BCL2L13: variants seen among roughly 807,000 people sequenced by gnomAD.
BCL2L13 encodes bcl-2-like protein 13.
In BCL2L13, 13 loss-of-function variants were observed where a neutral mutation model predicts 25.8. That is an observed-to-expected ratio of 0.50 (90% CI 0.33 to 0.80). The LOEUF (loss-of-function observed/expected upper bound fraction) is 0.80, where lower values mean the gene tolerates loss of function less well. Ranked by LOEUF, BCL2L13 falls within the 30% of genes least tolerant of loss-of-function variation. BCL2L13 has a pLI of 0.02. For synonymous variants in BCL2L13, 244 were observed against 230.3 expected (o/e 1.06, Z -0.54); for missense variants, 504 against 574.9 (o/e 0.88, Z 1.26).
In BCL2L13 at chr22:17,646,716, CT is replaced by C. The variant is rs10684670; in HGVS notation, c.-51+7851del. Among the ~76,000 whole-genome samples, 28 of 89,192 alleles carry C rather than the reference CT, an allele frequency of 3.1e-4. No homozygotes were observed. The South Asian group carries it at 5.3e-3, about 17-fold the overall frequency. The allele number at this position is 89,192 out of a possible 152,430, so 58.5% of individuals were successfully genotyped here. On this transcript the variant is annotated intron_variant, in intron 1 of 6. Transcript: ENST00000317582. ...TTGAAAAGAATCTTGAAATATCTGT[CT>C]TTTTTTTTTTTTTTTTTTTTGAGAT... is the stretch of plus-strand genomic sequence containing the variant.
intron 2 of BCL2L13, among the ~76,000 whole-genome samples, chr22:17,662,810 C>A (rs1304119651): frequency 1.3e-5 from 2 of 151,360 alleles, no homozygotes; most frequent in African/African-American, 2.4e-5. Context: ...GCGAGACTTT[C>A]AAAAAAAATA....
At chr22:17,699,776 A>T (rs1318900609) in intron 5 of BCL2L13, among the ~76,000 whole-genome samples, 1 of 152,198 alleles carries the variant, frequency 6.6e-6, no homozygotes, top group Non-Finnish European at 1.5e-5. Flanking sequence ...GTCCAAAAAA[A>T]ATCAGTTGTG....
chr22:17,680,546 AAAAG>A, intron 2 of BCL2L13, among the ~76,000 whole-genome samples: 4 of 136,594 alleles, frequency 2.9e-5, no homozygotes, highest in Non-Finnish European at 4.7e-5. Flanking sequence ...AAAAAAGAAA[AAAAG>A]ACTCATACCT....
chr22:17,707,935 G>A (rs2060638163), intron 6 of BCL2L13, among the ~76,000 whole-genome samples: 1 of 152,068 alleles, frequency 6.6e-6, no homozygotes. Flanking sequence ...TAGACATCAT[G>A]ATGCAGCCAA....
At chr22:17,677,707 AC>A (rs1183732322) in intron 2 of BCL2L13, among the ~76,000 whole-genome samples, 1 of 152,116 alleles carries the variant, frequency 6.6e-6, no homozygotes, top group Non-Finnish European at 1.5e-5. Context: ...CCCTGTCTCT[AC>A]CAAAAATACA....
intron 1 of BCL2L13, among the ~76,000 whole-genome samples, chr22:17,639,154 C>A (rs1452909348): frequency 6.6e-6 from 1 of 152,208 alleles, no homozygotes; most frequent in Non-Finnish European, 1.5e-5. Flanking sequence ...CGGAGGAGCT[C>A]GGCCCTGGCT....
At chr22:17,716,901 C>A (rs1306906150) in intron 6 of BCL2L13, among the ~76,000 whole-genome samples, 1 of 152,128 alleles carries the variant, frequency 6.6e-6, no homozygotes, top group African/African-American at 2.4e-5. Context: ...GAGGGGGAAA[C>A]ATGCACCTTT....
rs1212713573 is a variant in BCL2L13 at position 17,660,044 on chromosome 22, T to C, written c.121+4212T>C. Among the ~76,000 whole-genome samples the C allele has an allele frequency of 2.1e-5, 3 of 145,956 alleles. 1 individual carries two copies. Among genetic ancestry groups the C allele is most frequent in the Non-Finnish European group, 4.7e-5 (3 of 64,228 alleles). The stretch of plus-strand genomic sequence containing the variant: ...CTCATTTTTATACTTTTAGTGGAGA[T>C]GGGTTTTCACCATGTTGGCCAGGCT... On this transcript the variant is annotated intron_variant, in intron 2 of 6. Transcript: ENST00000317582.
At chr22:17,636,191 G>A (rs1207654598), upstream of BCL2L13, among the ~76,000 whole-genome samples, 3 of 151,886 alleles carry the variant, frequency 2.0e-5, no homozygotes, top group East Asian at 3.9e-4. Flanking sequence ...AGGCATAGTG[G>A]TGCACACCTG....
intron 2 of BCL2L13, among the ~76,000 whole-genome samples, chr22:17,660,280 A>C (rs1194871861): frequency 1.4e-5 from 2 of 146,702 alleles, no homozygotes; most frequent in Non-Finnish European, 3.1e-5. Flanking sequence ...GCAGTTATGC[A>C]TTTTCAAGAA....
intron 2 of BCL2L13, among the ~76,000 whole-genome samples, chr22:17,679,066 A>G (rs2059656691): frequency 6.6e-6 from 1 of 152,172 alleles, no homozygotes; most frequent in East Asian, 1.9e-4. Context: ...TAAGTATACA[A>G]TTCAGCATCC....
chr22:17,646,949 ATATATATTTTTTT>A (rs1441316394), intron 1 of BCL2L13, among the ~76,000 whole-genome samples: 28 of 22,962 alleles, frequency 1.2e-3, no homozygotes, highest in African/African-American at 4.7e-3. Flanking sequence ...ATATATATAT[ATATATATTTTTTT>A]TTTTTTTTTT....
chr22:17,659,059 A>G (rs2058984632), intron 2 of BCL2L13, among the ~76,000 whole-genome samples: 1 of 105,682 alleles, frequency 9.5e-6, no homozygotes, highest in African/African-American at 4.5e-5. Context: ...CTCCATCTAA[A>G]AAAAAAAAAA....
chr22:17,663,658 TTTA>T (rs1449563874), intron 2 of BCL2L13, among the ~76,000 whole-genome samples: 2 of 151,690 alleles, frequency 1.3e-5, no homozygotes, highest in African/African-American at 2.4e-5. Context: ...ATGATTTCCT[TTTA>T]TTATTATCTT....
At chr22:17,634,290 A>T (rs562966600), upstream of BCL2L13, among the ~76,000 whole-genome samples, 1 of 152,098 alleles carries the variant, frequency 6.6e-6, no homozygotes, top group South Asian at 2.1e-4. Context: ...GGTTCAAGCC[A>T]TTCACCTGCC....
chr22:17,689,503 G>A (rs943320836), intron 4 of BCL2L13, among the ~76,000 whole-genome samples: 1 of 152,112 alleles, frequency 6.6e-6, no homozygotes, highest in African/African-American at 2.4e-5. Context: ...CGTTTTGTGC[G>A]TTGTAATGTG....
At chr22:17,658,696 C>CAAAAAA (rs34033346) in intron 2 of BCL2L13, among the ~76,000 whole-genome samples, 1 of 104,920 alleles carries the variant, frequency 9.5e-6, no homozygotes, top group Non-Finnish European at 1.8e-5. Flanking sequence ...ACTCTGTCAC[C>CAAAAAA]AAAAAAAAAA....
chr22:17,710,339 G>A (rs530079371), intron 6 of BCL2L13, among the ~76,000 whole-genome samples: 14 of 152,096 alleles, frequency 9.2e-5, no homozygotes, highest in Admixed American at 3.3e-4. Context: ...CCAGCACTTC[G>A]GGAGGCCGAG....
chr22:17,640,670 A>G (rs2058242871), intron 1 of BCL2L13, among the ~76,000 whole-genome samples: 1 of 150,780 alleles, frequency 6.6e-6, no homozygotes, highest in Admixed American at 6.7e-5. Flanking sequence ...CAGCCTGGGC[A>G]ACATAAGGAG....
Sources: gnomAD v4.1 joint callset for allele counts (sites outside exome capture counted in the v4.1 genomes callset) on GRCh38, gnomAD v4.1.1 for gene constraint, MANE v1.5 for transcripts, NCBI Gene and HGNC (gene_info 2026-07-23, HGNC 2026-07-21) for gene names.